Variants in BCL2L1 observed in about 807,000 individuals in gnomAD.
BCL2L1 encodes the protein BCL2 like 1.
A neutral mutation model predicts 18.7 loss-of-function variants in BCL2L1; 1 was observed. That is an observed-to-expected ratio of 0.05 (90% CI 0.02 to 0.25). The LOEUF (loss-of-function observed/expected upper bound fraction) is 0.25. Among genes scored for constraint, BCL2L1 ranks in the 10% least tolerant of loss-of-function variants. The pLI, the probability that BCL2L1 is intolerant of heterozygous loss-of-function variation, is 1.00. For synonymous variants in BCL2L1, 103 were observed against 122.7 expected (o/e 0.84, Z 1.06); for missense variants, 207 against 304.9 (o/e 0.68, Z 2.39).
In BCL2L1 at chr20:31,672,610, A is replaced by G. The variant is rs148554758; in HGVS notation, c.565-6524T>C. On this transcript the variant is annotated intron_variant, in intron 2 of 2. Coordinates refer to ENST00000307677, the MANE Select transcript of BCL2L1 (RefSeq NM_138578.3). ...GGGGGCTCAGTGCAGGCAGGGACCA[A>G]GTCTGGCCCAGGACCTACTCAGACA... 1.7e-3 allele frequency among the ~76,000 whole-genome samples: 259 copies of G among 152,308 alleles called. 3 individuals carry two copies. The highest frequency in any genetic ancestry group is 6.1e-3 in the African/African-American group (252 of 41,570).
At chr20:31,716,028 T>C (rs2061530385) in intron 2 of BCL2L1, among the ~76,000 whole-genome samples, 1 of 152,098 alleles carries the variant, frequency 6.6e-6, no homozygotes, top group Non-Finnish European at 1.5e-5. Context: ...ATAACTTGGG[T>C]TGCTGCCACT....
chr20:31,721,024 T>C, intron 2 of BCL2L1: 1 of 969,504 alleles, frequency 1.0e-6, no homozygotes, highest in Non-Finnish European at 1.2e-6. Context: ...GAAATGAACT[T>C]AGGGGGCGCA....
chr20:31,719,181 A>G (rs2061584914), intron 2 of BCL2L1, among the ~76,000 whole-genome samples: 1 of 152,232 alleles, frequency 6.6e-6, no homozygotes, highest in African/African-American at 2.4e-5. Context: ...GTACACTGCT[A>G]GCTTCACAGT....
intron 2 of BCL2L1, among the ~76,000 whole-genome samples, chr20:31,667,371 G>C (rs543398153): frequency 2.7e-4 from 41 of 151,914 alleles, no homozygotes; most frequent in African/African-American, 9.9e-4. Context: ...TGAGGCACGA[G>C]AATTGTTTGA....
chr20:31,694,057 TGGGTGGGAGG>T (rs386813694), intron 2 of BCL2L1, among the ~76,000 whole-genome samples: 65 of 152,166 alleles, frequency 4.3e-4, no homozygotes, highest in African/African-American at 1.5e-3. Flanking sequence ...TCTCTGCCTG[TGGGTGGGAGG>T]GCAGGCAGCA....
At chr20:31,688,196 C>T (rs1008524771) in intron 2 of BCL2L1, among the ~76,000 whole-genome samples, 1 of 152,072 alleles carries the variant, frequency 6.6e-6, no homozygotes, top group Non-Finnish European at 1.5e-5. Flanking sequence ...TAAATCCCAG[C>T]AATTTGATAG....
intron 2 of BCL2L1, among the ~76,000 whole-genome samples, chr20:31,699,175 T>C (rs370326497): frequency 5.9e-5 from 9 of 152,196 alleles, no homozygotes; most frequent in African/African-American, 1.7e-4. Flanking sequence ...GCTTTTTCCA[T>C]GAACAAGCTT....
chr20:31,691,988 T>C (rs898322902), intron 2 of BCL2L1, among the ~76,000 whole-genome samples: 4 of 152,254 alleles, frequency 2.6e-5, no homozygotes, highest in African/African-American at 9.6e-5. Context: ...CAATCTGCCA[T>C]TACCTTCTGA....
chr20:31,677,277 G>A (rs772961783), intron 2 of BCL2L1, among the ~76,000 whole-genome samples: 16 of 150,076 alleles, frequency 1.1e-4, no homozygotes, highest in Admixed American at 1.3e-4. Flanking sequence ...TGCCTCCCAC[G>A]TTCAAGTGAT....
In BCL2L1 at chr20:31,664,873, G is replaced by C. The variant is rs982246124; in HGVS notation, c.*1076C>G. On this transcript the variant is annotated 3_prime_UTR_variant, in exon 3 of 3. Coordinates refer to ENST00000307677, the MANE Select transcript of BCL2L1 (RefSeq NM_138578.3). ...CTCCTGGCCAGGCCACTCTGGCCTTGGCAGCCTGGCTGCCCAGGCTGGACA... is the reference window on the plus strand; with the variant it reads ...CTCCTGGCCAGGCCACTCTGGCCTTCGCAGCCTGGCTGCCCAGGCTGGACA... The C allele has an allele frequency of 1.8e-5, 4 of 218,344 alleles. No individual in the cohort carries two copies. Among genetic ancestry groups the C allele is most frequent in the Non-Finnish European group, 3.7e-5 (4 of 108,270 alleles). The allele number at this position is 218,344 out of a possible 1,614,324, so 13.5% of individuals were successfully genotyped here.
intron 2 of BCL2L1, among the ~76,000 whole-genome samples, chr20:31,696,228 CA>C (rs1319644117): frequency 1.3e-5 from 2 of 152,196 alleles, no homozygotes; most frequent in Non-Finnish European, 2.9e-5. Context: ...TGTTAATGAA[CA>C]AATGAATGAA....
intron 2 of BCL2L1, among the ~76,000 whole-genome samples, chr20:31,688,631 T>C (rs1040060585): frequency 2.0e-5 from 3 of 152,112 alleles, no homozygotes; most frequent in African/African-American, 7.2e-5. Context: ...CAAGTACACA[T>C]ACCCTTGGCC....
intron 2 of BCL2L1, chr20:31,720,729 C>G: frequency 1.0e-6 from 1 of 984,594 alleles, no homozygotes; most frequent in Non-Finnish European, 1.2e-6. Context: ...CCAGCCTGTC[C>G]AAGGTCACAC....
At chr20:31,676,207 T>TG (rs1162719304) in intron 2 of BCL2L1, among the ~76,000 whole-genome samples, 1 of 152,104 alleles carries the variant, frequency 6.6e-6, no homozygotes, top group Non-Finnish European at 1.5e-5. Flanking sequence ...CTGGAACCGA[T>TG]GGAGATAAAA....
intron 2 of BCL2L1, among the ~76,000 whole-genome samples, chr20:31,684,633 A>G (rs2060925070): frequency 6.6e-6 from 1 of 152,168 alleles, no homozygotes; most frequent in Non-Finnish European, 1.5e-5. Flanking sequence ...GAAGAGCCAG[A>G]TCTACCCTTC....
intron 2 of BCL2L1, among the ~76,000 whole-genome samples, chr20:31,697,247 G>A (rs192268908): frequency 1.2e-4 from 19 of 152,160 alleles, no homozygotes; most frequent in African/African-American, 4.6e-4. Flanking sequence ...CTGTAGATCA[G>A]CTCTCAATAG....
chr20:31,695,765 T>C (rs2061156746), intron 2 of BCL2L1, among the ~76,000 whole-genome samples: 1 of 152,208 alleles, frequency 6.6e-6, no homozygotes, highest in Middle Eastern at 3.2e-3. Flanking sequence ...TTTTACGGCT[T>C]GCTGTTCTCT....
At chr20:31,695,753 T>G (rs944318726) in intron 2 of BCL2L1, among the ~76,000 whole-genome samples, 8 of 152,218 alleles carry the variant, frequency 5.3e-5, no homozygotes, top group Admixed American at 3.3e-4. Flanking sequence ...GGCTTTTTTT[T>G]GTTTTACGGC....
chr20:31,685,725 C>T (rs757762162), intron 2 of BCL2L1, among the ~76,000 whole-genome samples: 8 of 152,104 alleles, frequency 5.3e-5, no homozygotes, highest in East Asian at 1.9e-4. Flanking sequence ...ATCCTATCTC[C>T]GGGCCCTTTT....
Sources: allele counts gnomAD v4.1 joint callset (sites outside exome capture counted in the v4.1 genomes callset), GRCh38; gene constraint gnomAD v4.1.1; transcripts MANE v1.5; gene names NCBI Gene and HGNC (gene_info 2026-07-23, HGNC 2026-07-21).